CACNA2D2: variants seen among roughly 807,000 people sequenced by gnomAD.
CACNA2D2 encodes voltage-dependent calcium channel subunit alpha-2/delta-2.
A neutral mutation model predicts 166.4 loss-of-function variants in CACNA2D2; 48 were observed. The ratio of observed to expected loss-of-function variants is 0.29; its 90% CI spans 0.23 to 0.37. The LOEUF (loss-of-function observed/expected upper bound fraction) is 0.37, where lower values mean the gene tolerates loss of function less well. Among genes scored for constraint, CACNA2D2 ranks in the 10% least tolerant of loss-of-function variants. The pLI, the probability that CACNA2D2 is intolerant of heterozygous loss-of-function variation, is 1.00. For synonymous variants in CACNA2D2, 561 were observed against 573.7 expected (o/e 0.98, Z 0.32); for missense variants, 1,122 against 1,433.0 (o/e 0.78, Z 3.50).
intron 2 of CACNA2D2, among the ~76,000 whole-genome samples, chr3:50,438,821 A>AGGGGATGG (rs1708464470): frequency 1.3e-5 from 2 of 152,142 alleles, no homozygotes; most frequent in African/African-American, 2.4e-5. Context: ...GGGGAGAGGA[A>AGGGGATGG]AAGGAGAGAG....
intron 14 of CACNA2D2, 36 bp from the exon 15 acceptor site, chr3:50,378,133 T>G: frequency 1.2e-6 from 2 of 1,601,710 alleles, no homozygotes; most frequent in Non-Finnish European, 1.7e-6. Context: ...AATGAGTGCC[T>G]TTCCCAGGCA....
Position 50,370,348 on chromosome 3 carries a change from A to G in CACNA2D2, c.2017T>C (p.Ser673Pro), listed in dbSNP as rs748884329. The change falls in exon 23 of 38, where the codon TCT becomes CCT. Residue 673 changes from serine (S) to proline (P), a missense_variant. Coordinates refer to ENST00000424201, the MANE Select transcript of CACNA2D2 (RefSeq NM_006030.4). ...GGAGCAATGAAAACGTGTCCTTCAG[A>G]CTCAAAGCTGCTGGGGAGCAGGAAC... ...FEFLLPSSFE[S>P]EGHVFIAPRE... 1.3e-6 allele frequency: 2 copies of G among 1,584,240 alleles called. No homozygotes were observed. The highest frequency in any genetic ancestry group is 1.7e-6 in the Non-Finnish European group (2 of 1,166,564).
At chr3:50,479,857 G>A (rs1235096451) in intron 1 of CACNA2D2, among the ~76,000 whole-genome samples, 2 of 152,242 alleles carry the variant, frequency 1.3e-5, no homozygotes, top group Admixed American at 1.3e-4. Context: ...ACACGGAGGT[G>A]GACCTGCTGG....
At chr3:50,449,663 G>A (rs1266263594) in intron 2 of CACNA2D2, among the ~76,000 whole-genome samples, 1 of 152,208 alleles carries the variant, frequency 6.6e-6, no homozygotes. Flanking sequence ...CAGCCTGAAA[G>A]GACACCATTA....
intron 6 of CACNA2D2, among the ~76,000 whole-genome samples, chr3:50,383,353 G>A (rs1705431324): frequency 6.6e-6 from 1 of 152,134 alleles, no homozygotes; most frequent in Non-Finnish European, 1.5e-5. Flanking sequence ...GTGGCTCTGG[G>A]GCTTTTGAGT....
chr3:50,449,790 C>T (rs1426812672), intron 2 of CACNA2D2, among the ~76,000 whole-genome samples: 2 of 152,168 alleles, frequency 1.3e-5, no homozygotes, highest in Non-Finnish European at 2.9e-5. Context: ...CCAGGACTGC[C>T]CACCACACTC....
intron 2 of CACNA2D2, among the ~76,000 whole-genome samples, chr3:50,455,131 C>T (rs1385949837): frequency 6.6e-6 from 1 of 152,228 alleles, no homozygotes; most frequent in Non-Finnish European, 1.5e-5. Flanking sequence ...GGTCCAAAGT[C>T]CCTGGCCACA....
chr3:50,432,107 G>T (rs1405056799), intron 3 of CACNA2D2, among the ~76,000 whole-genome samples: 2 of 152,120 alleles, frequency 1.3e-5, no homozygotes, highest in African/African-American at 4.8e-5. Context: ...TCACATAGCA[G>T]AGTCCAGCAA....
chr3:50,486,088 G>T (rs1047907323), intron 1 of CACNA2D2, among the ~76,000 whole-genome samples: 2 of 152,144 alleles, frequency 1.3e-5, no homozygotes, highest in African/African-American at 4.8e-5. Context: ...TTTCACAAAC[G>T]GGTAAGCTGA....
chr3:50,431,046 G>A (rs1316915004), intron 3 of CACNA2D2, among the ~76,000 whole-genome samples: 1 of 152,130 alleles, frequency 6.6e-6, no homozygotes, highest in East Asian at 1.9e-4. Flanking sequence ...CTTCCGTCCT[G>A]TGTTGCTCAG....
At chr3:50,433,022 A>C (rs943961551) in intron 3 of CACNA2D2, among the ~76,000 whole-genome samples, 3 of 152,246 alleles carry the variant, frequency 2.0e-5, no homozygotes, top group African/African-American at 7.2e-5. Flanking sequence ...CAATTTATAC[A>C]CCAGCAAATC....
intron 22 of CACNA2D2, among the ~76,000 whole-genome samples, chr3:50,370,937 T>C (rs1704627702): frequency 6.6e-6 from 1 of 152,068 alleles, no homozygotes; most frequent in Non-Finnish European, 1.5e-5. Flanking sequence ...GTGTCAGGCA[T>C]CAACATGGCC....
intron 2 of CACNA2D2, among the ~76,000 whole-genome samples, chr3:50,450,893 C>G (rs1055656964): frequency 6.6e-6 from 1 of 152,182 alleles, no homozygotes; most frequent in Non-Finnish European, 1.5e-5. Context: ...GGCTCTGACC[C>G]TGTGCCAGTC....
intron 3 of CACNA2D2, 26 bp from the exon 4 acceptor site, chr3:50,394,194 A>G (rs759202168): frequency 1.2e-6 from 2 of 1,610,678 alleles, no homozygotes; most frequent in Admixed American, 1.7e-5. Context: ...CAGGGAGGTC[A>G]GAAGCGGAGG....
In CACNA2D2 at chr3:50,365,178, G is replaced by A. The variant is rs780997127; in HGVS notation, c.3105C>T (p.Phe1035=). ...TGGTGTTGGTCAGTCTCTGCGCGTGGAACAGCCTGCGGGCAGCCCGGAAAG... is the reference window on the plus strand; with the variant it reads ...TGGTGTTGGTCAGTCTCTGCGCGTGAAACAGCCTGCGGGCAGCCCGGAAAG... ...IIDCGNCSRL[F]HAQRLTNTNL... The change falls in exon 36 of 38, where the codon TTC becomes TTT. Residue 1035 remains phenylalanine, a synonymous_variant. Coordinates refer to ENST00000424201, the MANE Select transcript of CACNA2D2 (RefSeq NM_006030.4). This position sits in a 1 kb window ranked among gnomAD's most constrained non-coding sequence, Gnocchi z 4.5. 1.9e-6 allele frequency: 3 copies of A among 1,611,902 alleles called. No individual in the cohort carries two copies. The highest frequency in any genetic ancestry group is 1.3e-5 in the African/African-American group (1 of 74,872).
intron 1 of CACNA2D2, among the ~76,000 whole-genome samples, chr3:50,493,814 G>A (rs1314268209): frequency 6.6e-6 from 1 of 152,204 alleles, no homozygotes; most frequent in African/African-American, 2.4e-5. Context: ...GCAGGGAGCC[G>A]GAGGAGGGTG....
At chr3:50,383,766 C>T (rs774574653) in intron 6 of CACNA2D2, among the ~76,000 whole-genome samples, 2 of 152,122 alleles carry the variant, frequency 1.3e-5, no homozygotes, top group Admixed American at 1.3e-4. Context: ...TTCCCTGTCC[C>T]CCTACCCTCC....
Position 50,503,479 on chromosome 3 carries a change from C to T in CACNA2D2, c.-56G>A, listed in dbSNP as rs1180416446. On this transcript the variant is annotated 5_prime_UTR_variant, in exon 1 of 38. Coordinates refer to ENST00000424201, the MANE Select transcript of CACNA2D2 (RefSeq NM_006030.4). ...GGGGGGGCAGTGGCGGCGGCGGCGGCGGCGGCGGGGTTGGGGGGGCGCGGG... is the reference window on the plus strand; with the variant it reads ...GGGGGGGCAGTGGCGGCGGCGGCGGTGGCGGCGGGGTTGGGGGGGCGCGGG... The T allele has an allele frequency of 3.6e-4, 33 of 91,260 alleles. No individual in the cohort carries two copies. In the South Asian group the frequency reaches 4.0e-3, roughly 11 times the overall value. 5.7% of individuals were successfully genotyped at this position (91,260 alleles called of 1,614,324 possible).
chr3:50,403,153 A>G (rs1273544994), intron 3 of CACNA2D2, among the ~76,000 whole-genome samples: 1 of 152,208 alleles, frequency 6.6e-6, no homozygotes, highest in East Asian at 1.9e-4. Flanking sequence ...TCTCTCATCT[A>G]TAACAGGGAG....
Sources: gnomAD v4.1 joint callset for allele counts (sites outside exome capture counted in the v4.1 genomes callset) on GRCh38, gnomAD v4.1.1 for gene constraint, Gnocchi (gnomAD v3.1) non-coding constraint, MANE v1.5 for transcripts, NCBI Gene and HGNC (gene_info 2026-07-23, HGNC 2026-07-21) for gene names.